Variants in PFKFB3 observed in about 807,000 individuals in gnomAD.
PFKFB3 encodes 6-phosphofructo-2-kinase/fructose-2,6-bisphosphatase 3.
A neutral mutation model predicts 68.0 loss-of-function variants in PFKFB3; 33 were observed. The observed-to-expected ratio is 0.49, with a 90% CI of 0.37 to 0.65. PFKFB3 has a LOEUF of 0.65. PFKFB3 is among the 30% of genes least tolerant of loss of function. The pLI, the probability that PFKFB3 is intolerant of heterozygous loss-of-function variation, is 0.00. For missense variants in PFKFB3, 586 were observed against 712.2 expected, an observed-to-expected ratio of 0.82 and a Z score of 2.02; for synonymous variants, 315 against 288.2, an observed-to-expected ratio of 1.09 and a Z score of -0.94.
the PFKFB3 span, chr10:6,293,380 C>T: frequency 2.8e-5 from 7 of 250,436 alleles, no homozygotes; most frequent in Non-Finnish European, 5.6e-5. Context: ...GAGTCTTACT[C>T]TGTTGGCCAG....
At chr10:6,303,730 G>T in the PFKFB3 span, among the ~76,000 whole-genome samples, 1 of 150,454 alleles carries the variant, frequency 6.6e-6, no homozygotes, top group African/African-American at 2.4e-5. Flanking sequence ...AATCCCAGAG[G>T]CAGAGCTTGC....
intron 14 of PFKFB3, chr10:6,231,699 G>A: frequency 1.7e-6 from 1 of 574,764 alleles, no homozygotes; most frequent in African/African-American, 2.0e-5. Context: ...TGAGGACCCA[G>A]GGCTCTCTGA....
intron 14 of PFKFB3, among the ~76,000 whole-genome samples, chr10:6,242,452 G>A (rs1846160609): frequency 6.6e-6 from 1 of 152,174 alleles, no homozygotes; most frequent in African/African-American, 2.4e-5. Flanking sequence ...TCGTTTTCCA[G>A]CCTGATGGCA....
Position 6,175,671 on chromosome 10 carries a change from C to T in PFKFB3, c.16+30658C>T, listed in dbSNP as rs143033997. 7.1e-3 allele frequency among the ~76,000 whole-genome samples: 1,083 copies of T among 152,158 alleles called. 5 individuals carry two copies. Among genetic ancestry groups the T allele is most frequent in the South Asian group, 0.018 (88 of 4,824 alleles). Reference sequence around the variant, plus strand: ...AAAACAAAATCCAAACCAAGTAAGCCAAAAAAAGCTTAGCCTGGGGACCCA... The same window carrying T: ...AAAACAAAATCCAAACCAAGTAAGCTAAAAAAAGCTTAGCCTGGGGACCCA... On this transcript the variant is annotated intron_variant, in intron 1 of 14. Transcript: ENST00000379789.
chr10:6,313,415 G>A, the PFKFB3 span, among the ~76,000 whole-genome samples: 7 of 152,136 alleles, frequency 4.6e-5, no homozygotes, highest in East Asian at 1.9e-4. The surrounding 1 kb of genome is among the most constrained non-coding windows in gnomAD (Gnocchi z 4.2). Flanking sequence ...CCCAGGTGCC[G>A]AACACGCTGG....
At chr10:6,259,541 C>CA (rs1312932321), downstream of PFKFB3, among the ~76,000 whole-genome samples, 18 of 14,360 alleles carry the variant, frequency 1.3e-3, no homozygotes, top group African/African-American at 1.7e-3. Flanking sequence ...CATCCATCTG[C>CA]TCATCCATCC....
chr10:6,207,568 A>G (rs1369950546), intron 1 of PFKFB3, among the ~76,000 whole-genome samples: 1 of 152,228 alleles, frequency 6.6e-6, no homozygotes, highest in Non-Finnish European at 1.5e-5. Flanking sequence ...CTGAGGTTAC[A>G]GGCATGTGCT....
At chr10:6,213,522 C>T (rs1844366744) in intron 1 of PFKFB3, 101 bp from the exon 2 acceptor site, 1 of 1,412,020 alleles carries the variant, frequency 7.1e-7, no homozygotes, top group Non-Finnish European at 9.6e-7. Context: ...GTCTCAAAAA[C>T]ATTTTTGGTG....
At chr10:6,258,576 A>C (rs1482517033), downstream of PFKFB3, among the ~76,000 whole-genome samples, 1 of 152,218 alleles carries the variant, frequency 6.6e-6, no homozygotes, top group African/African-American at 2.4e-5. Context: ...TTGTGGCCTC[A>C]GTGGTCCTCA....
chr10:6,212,790 G>A lies in PFKFB3; in HGVS notation c.77-833G>A, dbSNP rs570307384. ...GCTGGGATCACAGGCATGAACCACC[G>A]CGCCTGGCTGTAAACTCCTACTTTT... is the stretch of plus-strand genomic sequence containing the variant. On this transcript the variant is annotated intron_variant, in intron 1 of 14. Coordinates refer to ENST00000379775, the MANE Select transcript of PFKFB3 (RefSeq NM_004566.4). 2.0e-4 allele frequency among the ~76,000 whole-genome samples: 31 copies of A among 152,212 alleles called. No individual in the cohort carries two copies. In the South Asian group the frequency reaches 5.0e-3, roughly 24 times the overall value.
intron 1 of PFKFB3, among the ~76,000 whole-genome samples, chr10:6,167,102 G>A (rs1419661915): frequency 6.6e-6 from 1 of 152,222 alleles, no homozygotes; most frequent in Non-Finnish European, 1.5e-5. Context: ...TTACAGGCGT[G>A]AGCCACCTTG....
intron 14 of PFKFB3, among the ~76,000 whole-genome samples, chr10:6,253,130 G>A (rs1846415913): frequency 6.6e-6 from 1 of 152,120 alleles, no homozygotes; most frequent in South Asian, 2.1e-4. Context: ...ATCTTGGCCA[G>A]GCTGGTCTTG....
At chr10:6,264,209 G>A in the PFKFB3 span, among the ~76,000 whole-genome samples, 30 of 152,088 alleles carry the variant, frequency 2.0e-4, no homozygotes, top group African/African-American at 6.8e-4. Flanking sequence ...TTACGTATTC[G>A]TCTAAACTTG....
chr10:6,177,438 C>CTCTTTCTTCCTTTCTT (rs1842539791), intron 1 of PFKFB3, among the ~76,000 whole-genome samples: 1 of 86,630 alleles, frequency 1.2e-5, no homozygotes, highest in African/African-American at 4.2e-5. Flanking sequence ...TCTTTTCTTT[C>CTCTTTCTTCCTTTCTT]TCTTTCTTTC....
intron 10 of PFKFB3, among the ~76,000 whole-genome samples, chr10:6,222,460 C>T (rs1220368864): frequency 2.6e-5 from 4 of 152,250 alleles, no homozygotes; most frequent in Non-Finnish European, 5.9e-5. Flanking sequence ...CCAGGCCTTT[C>T]CCTCACTGCA....
chr10:6,226,592 G>C lies in PFKFB3; in HGVS notation c.1515+227G>C. On this transcript the variant is annotated intron_variant, in intron 14 of 14. Coordinates refer to ENST00000379775, the MANE Select transcript of PFKFB3 (RefSeq NM_004566.4). ...ACCCTCCGAAGTTAAGATCCTGGGGGCTTTCCTTGCTGGTGACAACCGTGA... is the reference window on the plus strand; with the variant it reads ...ACCCTCCGAAGTTAAGATCCTGGGGCCTTTCCTTGCTGGTGACAACCGTGA... 7.2e-6 allele frequency: 4 copies of C among 552,566 alleles called. No individual in the cohort carries two copies. The South Asian group carries it at 8.8e-5, about 12-fold the overall frequency. 34.2% of individuals were successfully genotyped at this position (552,566 alleles called of 1,614,324 possible).
At chr10:6,276,012 C>T in the PFKFB3 span, among the ~76,000 whole-genome samples, 4 of 152,188 alleles carry the variant, frequency 2.6e-5, no homozygotes, top group East Asian at 1.9e-4. Context: ...AGATGTCTCC[C>T]AATTCATGGC....
intron 1 of PFKFB3, among the ~76,000 whole-genome samples, chr10:6,192,367 T>C (rs556968234): frequency 0.24 from 8,480 of 34,920 alleles, 317 homozygotes; most frequent in South Asian, 0.33. Flanking sequence ...TTCTTTCTTC[T>C]TTTTTTTTTT....
intron 14 of PFKFB3, among the ~76,000 whole-genome samples, chr10:6,240,684 A>G (rs959974601): frequency 6.6e-6 from 1 of 152,166 alleles, no homozygotes. Flanking sequence ...TGTCAAAACT[A>G]TGAGTTAACA....
Sources: allele counts gnomAD v4.1 joint callset (sites outside exome capture counted in the v4.1 genomes callset), GRCh38; gene constraint gnomAD v4.1.1; non-coding constraint Gnocchi (gnomAD v3.1); transcripts MANE v1.5; gene names NCBI Gene and HGNC (gene_info 2026-07-23, HGNC 2026-07-21).